MSI2: variants seen among roughly 807,000 people sequenced by gnomAD.
MSI2 encodes RNA-binding protein Musashi homolog 2.
In MSI2, 17 loss-of-function variants were observed where a neutral mutation model predicts 45.6. The observed-to-expected ratio is 0.37, with a 90% CI of 0.26 to 0.56. The LOEUF (loss-of-function observed/expected upper bound fraction) is 0.56. Among genes scored for constraint, MSI2 ranks in the 20% least tolerant of loss-of-function variants. The pLI, the probability that MSI2 is intolerant of heterozygous loss-of-function variation, is 0.77. For synonymous variants in MSI2, 156 were observed against 158.2 expected, an observed-to-expected ratio of 0.99 and a Z score of 0.11; for missense variants, 293 against 444.2, an observed-to-expected ratio of 0.66 and a Z score of 3.06.
At position 57,256,601 on chromosome 17, in the gene MSI2, A is replaced by C; in HGVS notation, c.-142A>C. 2 of 323,482 alleles carry C rather than the reference A, an allele frequency of 6.2e-6. No homozygotes were observed. The highest frequency in any genetic ancestry group is 5.1e-6 in the Non-Finnish European group (1 of 195,410). The allele number at this position is 323,482 out of a possible 1,614,324, so 20.0% of individuals were successfully genotyped here. On this transcript the variant is annotated 5_prime_UTR_variant, in exon 1 of 14. Coordinates refer to ENST00000284073, the MANE Select transcript of MSI2 (RefSeq NM_138962.4). The stretch of plus-strand genomic sequence containing the variant: ...GCTGCCCCGGCTCCGCCGCTCGCAG[A>C]GAGATTCGGAGGAGCCCGGGCGGGG...
At chr17:57,298,621 G>A (rs757892182) in intron 5 of MSI2, among the ~76,000 whole-genome samples, 23 of 152,126 alleles carry the variant, frequency 1.5e-4, no homozygotes, top group Admixed American at 6.5e-4. Context: ...AGATTGCACC[G>A]TTGCATTCTA....
In MSI2 at chr17:57,326,669, AATGCTT is replaced by A. The variant is rs545033779; in HGVS notation, c.312+64478_312+64483del. ...TCACTGTGTGTCAGGCTGTGTTCTA[AATGCTT>A]TACTTATTTCCGCTCATTTGATCTT... On this transcript the variant is annotated intron_variant, in intron 5 of 13. Coordinates refer to ENST00000284073, the MANE Select transcript of MSI2 (RefSeq NM_138962.4). Among the ~76,000 whole-genome samples the A allele has an allele frequency of 1.8e-3, 276 of 152,244 alleles. 1 individual carries two copies. The highest frequency in any genetic ancestry group is 5.8e-3 in the African/African-American group (241 of 41,554).
chr17:57,695,839 C>T, the MSI2 span, among the ~76,000 whole-genome samples: 3 of 152,162 alleles, frequency 2.0e-5, no homozygotes, highest in South Asian at 6.2e-4. Context: ...CTTCTGGTGA[C>T]GGCTCTCTTC....
intron 5 of MSI2, among the ~76,000 whole-genome samples, chr17:57,342,697 T>C (rs1488203572): frequency 6.6e-6 from 1 of 152,202 alleles, no homozygotes; most frequent in Admixed American, 6.5e-5. Flanking sequence ...ATTAAGTGAA[T>C]TTTTGAAGAC....
intron 6 of MSI2, among the ~76,000 whole-genome samples, chr17:57,513,001 T>A: frequency 8.1e-6 from 1 of 124,090 alleles, no homozygotes; most frequent in Admixed American, 1.0e-4. Flanking sequence ...TGAGACAGAG[T>A]CTCACTCTGT....
At chr17:57,318,679 G>A (rs1913074449) in intron 5 of MSI2, among the ~76,000 whole-genome samples, 1 of 152,156 alleles carries the variant, frequency 6.6e-6, no homozygotes, top group African/African-American at 2.4e-5. Flanking sequence ...GGGAGAAAAG[G>A]TAGCTGACAT....
chr17:57,354,332 A>AT (rs967715019), intron 5 of MSI2, among the ~76,000 whole-genome samples: 18 of 152,192 alleles, frequency 1.2e-4, no homozygotes, highest in African/African-American at 4.3e-4. Context: ...TGCTCTTTGA[A>AT]TGGCTGGGAA....
At chr17:57,450,322 A>AGAAAGAAAGAAAGAAAGAAAG (rs1567831014) in intron 6 of MSI2, 1 of 148,314 alleles carries the variant, frequency 6.7e-6, no homozygotes, top group African/African-American at 2.5e-5. Flanking sequence ...AAAGAAAGAA[A>AGAAAGAAAGAAAGAAAGAAAG]ACCTTTGTTA....
Position 57,348,195 on chromosome 17 carries a change from A to G in MSI2, c.313-53184A>G, listed in dbSNP as rs553303432. Among the ~76,000 whole-genome samples, 6 of 152,312 alleles carry G rather than the reference A, an allele frequency of 3.9e-5. No individual in the cohort carries two copies. In the South Asian group the frequency reaches 1.2e-3, roughly 32 times the overall value. ...TGCTTGTGATACATCTCACTTGGAC[A>G]TATCTATGGTAGTCCAAGGAGTATG... On this transcript the variant is annotated intron_variant, in intron 5 of 13. Transcript: ENST00000284073.
chr17:57,521,890 C>T (rs1042991719), intron 6 of MSI2, among the ~76,000 whole-genome samples: 1 of 152,186 alleles, frequency 6.6e-6, no homozygotes, highest in African/African-American at 2.4e-5. Flanking sequence ...CCAGTCTGCT[C>T]CTTCTTCTCC....
At chr17:57,588,295 C>T (rs1171344796) in intron 7 of MSI2, among the ~76,000 whole-genome samples, 1 of 152,208 alleles carries the variant, frequency 6.6e-6, no homozygotes, top group Non-Finnish European at 1.5e-5. Context: ...GTGCTGTGTA[C>T]AGCTCAGGTC....
intron 5 of MSI2, among the ~76,000 whole-genome samples, chr17:57,284,222 C>T (rs558636417): frequency 6.6e-6 from 1 of 152,266 alleles, no homozygotes; most frequent in African/African-American, 2.4e-5. Context: ...GCCCTCCACC[C>T]GGTCATGGTA....
At chr17:57,466,786 T>C (rs1443203259) in intron 6 of MSI2, among the ~76,000 whole-genome samples, 1 of 28,726 alleles carries the variant, frequency 3.5e-5, no homozygotes, top group African/African-American at 8.0e-5. Flanking sequence ...CTTTTCTTTA[T>C]TGATTTTTTT....
At chr17:57,485,694 G>A (rs2085740086) in intron 6 of MSI2, among the ~76,000 whole-genome samples, 1 of 152,186 alleles carries the variant, frequency 6.6e-6, no homozygotes, top group Non-Finnish European at 1.5e-5. Flanking sequence ...CCTCAGATGA[G>A]GTTAATTTGA....
At chr17:57,479,499 T>C (rs2085607458) in intron 6 of MSI2, among the ~76,000 whole-genome samples, 1 of 152,194 alleles carries the variant, frequency 6.6e-6, no homozygotes, top group Non-Finnish European at 1.5e-5. Flanking sequence ...TCCCAGATAC[T>C]CCATTTTTAT....
intron 6 of MSI2, among the ~76,000 whole-genome samples, chr17:57,504,231 C>G (rs957447052): frequency 5.3e-5 from 8 of 152,206 alleles, no homozygotes; most frequent in Admixed American, 4.6e-4. Flanking sequence ...TCCCATCCAG[C>G]CTCCTTGTTG....
intron 11 of MSI2, among the ~76,000 whole-genome samples, chr17:57,668,331 G>A (rs7207543): frequency 0.6 from 91,320 of 151,822 alleles, 27,799 homozygotes; most frequent in East Asian, 0.83. Context: ...CTGGCTAATA[G>A]TGATATTATC....
At chr17:57,277,320 A>G (rs1172656064) in intron 5 of MSI2, among the ~76,000 whole-genome samples, 1 of 151,986 alleles carries the variant, frequency 6.6e-6, no homozygotes, top group Non-Finnish European at 1.5e-5. Flanking sequence ...AGCCTCCCAA[A>G]GTGCTGGGAT....
At chr17:57,631,711 C>T in intron 10 of MSI2, 1 of 1,217,344 alleles carries the variant, frequency 8.2e-7, no homozygotes, top group Non-Finnish European at 1.2e-6. Context: ...AGGGATCTCC[C>T]CTGCTTCCTC....
Sources: gnomAD v4.1 joint callset for allele counts (sites outside exome capture counted in the v4.1 genomes callset) on GRCh38, gnomAD v4.1.1 for gene constraint, MANE v1.5 for transcripts, NCBI Gene and HGNC (gene_info 2026-07-23, HGNC 2026-07-21) for gene names.